Variants in ADAMTS2 observed in about 807,000 individuals in gnomAD.
The protein encoded by ADAMTS2 is A disintegrin and metalloproteinase with thrombospondin motifs 2.
A neutral mutation model predicts 123.0 loss-of-function variants in ADAMTS2; 50 were observed. The observed-to-expected ratio is 0.41, with a 90% CI of 0.32 to 0.51. The LOEUF is 0.51. Among genes scored for constraint, ADAMTS2 ranks in the 20% least tolerant of loss-of-function variants. ADAMTS2 has a pLI of 0.35. For missense variants in ADAMTS2, 1,494 were observed against 1,705.2 expected, an observed-to-expected ratio of 0.88 and a Z score of 2.18; for synonymous variants, 678 against 695.4, an observed-to-expected ratio of 0.98 and a Z score of 0.39.
chr5:179,173,239 AT>A (rs1763862320), intron 5 of ADAMTS2, among the ~76,000 whole-genome samples: 1 of 150,488 alleles, frequency 6.6e-6, no homozygotes, highest in Non-Finnish European at 1.5e-5. Flanking sequence ...AATAATAATA[AT>A]AATAATAAAA....
intron 5 of ADAMTS2, among the ~76,000 whole-genome samples, chr5:179,178,063 C>A (rs1268855166): frequency 6.6e-6 from 1 of 152,206 alleles, no homozygotes; most frequent in African/African-American, 2.4e-5. Flanking sequence ...GCCCCAGGAC[C>A]AGGAGTTTCC....
At chr5:179,231,949 A>G (rs1452601263) in intron 3 of ADAMTS2, among the ~76,000 whole-genome samples, 1 of 152,106 alleles carries the variant, frequency 6.6e-6, no homozygotes, top group Non-Finnish European at 1.5e-5. Flanking sequence ...AAAAGAAAAA[A>G]AAAAAGAGGA....
At chr5:179,336,107 C>G (rs444735) in intron 2 of ADAMTS2, among the ~76,000 whole-genome samples, 1 of 152,000 alleles carries the variant, frequency 6.6e-6, no homozygotes, top group Non-Finnish European at 1.5e-5. Context: ...GGCTGGTCCC[C>G]CCAACACGCA....
chr5:179,180,210 CCT>C lies in ADAMTS2; in HGVS notation c.975+860_975+861del, dbSNP rs1764015761. The stretch of plus-strand genomic sequence containing the variant: ...GGCCGTACCGTGGGGCTCCTCTCTT[CCT>C]CTGTCTGCACAGCATCCCGTGTTGC... On this transcript the variant is annotated intron_variant, in intron 5 of 21. Coordinates refer to ENST00000251582, the MANE Select transcript of ADAMTS2 (RefSeq NM_014244.5). This position sits in a 1 kb window ranked among gnomAD's most constrained non-coding sequence, Gnocchi z 4.6. Among the ~76,000 whole-genome samples the C allele has an allele frequency of 6.6e-6, 1 of 152,218 alleles. No individual in the cohort carries two copies. Among genetic ancestry groups the C allele is most frequent in the Non-Finnish European group, 1.5e-5 (1 of 68,032 alleles).
rs913782076 is a variant in ADAMTS2 at position 179,189,671 on chromosome 5, G to C, written c.892-8516C>G. Among the ~76,000 whole-genome samples, 23 of 151,518 alleles carry C rather than the reference G, an allele frequency of 1.5e-4. No homozygotes were observed. Among genetic ancestry groups the C allele is most frequent in the African/African-American group, 5.6e-4 (23 of 41,200 alleles). On this transcript the variant is annotated intron_variant, in intron 4 of 21. Transcript: ENST00000251582. The surrounding 1 kb of genome is among the most constrained non-coding windows in gnomAD (Gnocchi z 4.2). Reference sequence around the variant, plus strand: ...CGCGCCCGGCCAGGAGCAATTTTTTGTGGGCTGGGGACGGATTTTACAAAG... The same window carrying C: ...CGCGCCCGGCCAGGAGCAATTTTTTCTGGGCTGGGGACGGATTTTACAAAG...
intron 18 of ADAMTS2, among the ~76,000 whole-genome samples, chr5:179,125,682 G>A (rs558416615): frequency 4.6e-5 from 7 of 152,358 alleles, no homozygotes; most frequent in South Asian, 2.1e-4. Flanking sequence ...GGGCCTGAAC[G>A]TCAAAGCCAC....
chr5:179,309,705 C>T (rs1451195210), intron 2 of ADAMTS2, among the ~76,000 whole-genome samples: 3 of 138,930 alleles, frequency 2.2e-5, no homozygotes, highest in African/African-American at 8.2e-5. Flanking sequence ...TGCAGTGAGC[C>T]GAGATCATGC....
chr5:179,231,953 A>T (rs201646316), intron 3 of ADAMTS2, among the ~76,000 whole-genome samples: 52 of 133,382 alleles, frequency 3.9e-4, no homozygotes, highest in African/African-American at 1.2e-3. Context: ...GAAAAAAAAA[A>T]AGAGGAAATT....
intron 2 of ADAMTS2, among the ~76,000 whole-genome samples, chr5:179,278,243 G>A (rs895009653): frequency 5.4e-5 from 8 of 147,792 alleles, no homozygotes; most frequent in Non-Finnish European, 8.9e-5. Flanking sequence ...AATAATGCTC[G>A]GGGCGGGGGG....
intron 9 of ADAMTS2, 23 bp downstream of exon 9, chr5:179,153,468 C>A (rs746467581): frequency 6.2e-7 from 1 of 1,605,020 alleles, no homozygotes; most frequent in Admixed American, 1.7e-5. Flanking sequence ...GGGAGGGTCC[C>A]GGCTGCAGGG....
At chr5:179,159,071 C>G (rs1051389151) in intron 5 of ADAMTS2, among the ~76,000 whole-genome samples, 192 bp from the exon 6 acceptor site, 6 of 152,210 alleles carry the variant, frequency 3.9e-5, no homozygotes, top group African/African-American at 1.4e-4. Context: ...AAAAGTTTCC[C>G]CAGTCACACT....
At chr5:179,149,118 G>A (rs955106951) in intron 10 of ADAMTS2, among the ~76,000 whole-genome samples, 3 of 152,202 alleles carry the variant, frequency 2.0e-5, no homozygotes, top group African/African-American at 7.2e-5. Flanking sequence ...AGGCAGTGCT[G>A]TGGCCTGAGT....
At chr5:179,327,545 G>A (rs973489841) in intron 2 of ADAMTS2, among the ~76,000 whole-genome samples, 3 of 152,192 alleles carry the variant, frequency 2.0e-5, no homozygotes, top group Non-Finnish European at 4.4e-5. Context: ...TGAAAGGGAA[G>A]GTCAACCGCC....
chr5:179,306,121 A>C (rs576737511), intron 2 of ADAMTS2, among the ~76,000 whole-genome samples: 1 of 152,172 alleles, frequency 6.6e-6, no homozygotes, highest in African/African-American at 2.4e-5. Flanking sequence ...AAACCAGACA[A>C]AGACAGTTCA....
chr5:179,219,537 C>T (rs1048393038), intron 3 of ADAMTS2, among the ~76,000 whole-genome samples: 1 of 152,208 alleles, frequency 6.6e-6, no homozygotes, highest in Non-Finnish European at 1.5e-5. Flanking sequence ...AGAAGGTCTG[C>T]AGTATTTAAG....
intron 3 of ADAMTS2, among the ~76,000 whole-genome samples, chr5:179,217,313 C>T (rs183348544): frequency 1.4e-4 from 21 of 152,246 alleles, no homozygotes; most frequent in African/African-American, 4.8e-5. Flanking sequence ...GATACACAGA[C>T]GCAAGACAGC....
At position 179,126,089 on chromosome 5, in the gene ADAMTS2, G is replaced by A; in HGVS notation, c.2659C>T (p.His887Tyr). Residue 887 changes from histidine (H) to tyrosine (Y), a missense_variant, in exon 18 of 22, where the codon CAC (histidine) becomes TAC (tyrosine). Around this residue, in one of 6 missense-constraint regions of ADAMTS2, gnomAD observed 953 missense variants for 1,124.7 expected, o/e 0.85. Coordinates refer to ENST00000251582, the MANE Select transcript of ADAMTS2 (RefSeq NM_014244.5). ...CAGAAGCCACGGTGTACCATCTTGTGGTCCAGCCTCCGGCGGCAGCCATAC... is the reference window on the plus strand; with the variant it reads ...CAGAAGCCACGGTGTACCATCTTGTAGTCCAGCCTCCGGCGGCAGCCATAC... ...TKYGCRRRLDHKMVHRGFCAA... is the reference protein window; with the variant it reads ...TKYGCRRRLDYKMVHRGFCAA... 1.2e-6 allele frequency: 2 copies of A among 1,613,152 alleles called. No individual in the cohort carries two copies. The highest frequency in any genetic ancestry group is 1.7e-6 in the Non-Finnish European group (2 of 1,180,010).
chr5:179,337,840 C>T (rs570406890), intron 2 of ADAMTS2, among the ~76,000 whole-genome samples: 1 of 151,132 alleles, frequency 6.6e-6, no homozygotes, highest in South Asian at 2.1e-4. Context: ...GAGGACCTGG[C>T]CTTCACCTCC....
intron 2 of ADAMTS2, among the ~76,000 whole-genome samples, chr5:179,335,314 A>AT (rs1450166894): frequency 6.6e-6 from 1 of 152,220 alleles, no homozygotes; most frequent in Non-Finnish European, 1.5e-5. Flanking sequence ...ATACTTTAAA[A>AT]TGATCTATTA....
Sources: gnomAD v4.1 joint callset for allele counts (sites outside exome capture counted in the v4.1 genomes callset) on GRCh38, gnomAD v4.1.1 for gene constraint, gnomAD v4.1.1 regional missense constraint, Gnocchi (gnomAD v3.1) non-coding constraint, MANE v1.5 for transcripts, NCBI Gene and HGNC (gene_info 2026-07-23, HGNC 2026-07-21) for gene names.